The following TEX13C variants were observed in gnomAD, a reference collection of about 807,000 sequenced individuals.
TEX13C encodes the protein testis-expressed protein 13C.
For synonymous variants in TEX13C, 219 were observed against 116.6 expected (o/e 1.88, Z -5.65); for missense variants, 480 against 298.7 (o/e 1.61, Z -4.47).
Position 125,320,445 on chromosome X carries a change from C to T in TEX13C, c.326C>T (p.Ser109Phe), listed in dbSNP as rs1481752992. 1.2e-5 allele frequency: 6 copies of T among 514,907 alleles called. No homozygotes were observed. The South Asian group carries it at 1.5e-4, about 13-fold the overall frequency. 42.4% of individuals were successfully genotyped at this position (514,907 alleles called of 1,213,427 possible). ...CAGGCGACCTCCTGGGCTCTAACTT[C>T]CCAGCTGCAGCAGCTGCGCCTGGAG... The change falls in exon 1 of 1, where the codon TCC becomes TTC. Residue 109 changes from serine to phenylalanine, a missense_variant. By Grantham distance (155) the Ser-to-Phe change is radical. Coordinates refer to ENST00000632600, the Ensembl canonical transcript of TEX13C.
exon 1 of TEX13C, chrX:125,320,646 G>A: frequency 1.9e-6 from 1 of 515,765 alleles, no homozygotes; most frequent in South Asian, 2.5e-5. Flanking sequence ...CCTGTGGCCG[G>A]GACTTTAAAT....
exon 1 of TEX13C, chrX:125,321,921 C>A (rs750628722): frequency 2.3e-5 from 12 of 510,902 alleles, no homozygotes; most frequent in Non-Finnish European, 2.8e-5. Flanking sequence ...GAGATGGTCC[C>A]CCTGGGGGAC....
chrX:125,321,380 A>C (rs751619238), exon 1 of TEX13C: 1,332 of 494,861 alleles, frequency 2.7e-3, no homozygotes, highest in Non-Finnish European at 2.9e-3. Context: ...CAGCCACAGC[A>C]TGAAGAAAGA....
exon 1 of TEX13C, chrX:125,323,863 G>C (rs2018870086): frequency 8.9e-6 from 1 of 111,767 alleles, no homozygotes; most frequent in Non-Finnish European, 1.9e-5. Flanking sequence ...CTGCAGTCAA[G>C]AAGAGTGAAA....
chrX:125,322,877 G>T (rs1438701042), exon 1 of TEX13C: 2 of 513,599 alleles, frequency 3.9e-6, no homozygotes, highest in African/African-American at 4.6e-5. Context: ...GAGCCATGGT[G>T]TGAAAAATAG....
chrX:125,321,661 G>T, exon 1 of TEX13C: 1 of 508,090 alleles, frequency 2.0e-6, no homozygotes, highest in Non-Finnish European at 3.5e-6. Context: ...TGCCCAAGGA[G>T]CTGGTCCCCC....
chrX:125,320,528 A>T, exon 1 of TEX13C: 1 of 515,839 alleles, frequency 1.9e-6, no homozygotes, highest in Non-Finnish European at 3.5e-6. Context: ...GCAGGTGCTG[A>T]ATGAGCGTGA....
chrX:125,320,569 G>A (rs993910838), exon 1 of TEX13C: 12 of 514,862 alleles, frequency 2.3e-5, no homozygotes, highest in African/African-American at 2.3e-4. Flanking sequence ...TAGAAGTTGA[G>A]AGATCCATGC....
chrX:125,322,309 G>T (rs2018853786), exon 1 of TEX13C: 2 of 458,933 alleles, frequency 4.4e-6, no homozygotes, highest in East Asian at 3.9e-5. Flanking sequence ...TGTTTAGCAG[G>T]AGACACAGCC....
exon 1 of TEX13C, chrX:125,323,770 T>G (rs767525087): frequency 6.3e-5 from 7 of 111,960 alleles, no homozygotes; most frequent in Non-Finnish European, 1.3e-4. Context: ...AAGCTGAACC[T>G]GTGACATTAG....
At chrX:125,324,182 G>T (rs1364649633) in exon 1 of TEX13C, 1 of 111,374 alleles carries the variant, frequency 9.0e-6, no homozygotes, top group East Asian at 2.8e-4. Flanking sequence ...AGCTAGACTT[G>T]TATGTTATTA....
chrX:125,319,972 A>C (rs1010383020), upstream of TEX13C: 4 of 428,685 alleles, frequency 9.3e-6, no homozygotes, highest in Non-Finnish European at 1.6e-5. Flanking sequence ...GAGGCCAAGG[A>C]GGAGGCCAGG....
chrX:125,320,053 C>A, upstream of TEX13C: 3 of 454,180 alleles, frequency 6.6e-6, no homozygotes, highest in Non-Finnish European at 1.2e-5. Flanking sequence ...GCAACCTGTA[C>A]CGGAAGCGGC....
upstream of TEX13C, chrX:125,320,055 G>A (rs980744635): frequency 4.9e-5 from 22 of 453,350 alleles, no homozygotes; most frequent in African/African-American, 5.1e-4. Flanking sequence ...AACCTGTACC[G>A]GAAGCGGCGG....
At chrX:125,320,290 G>A (rs1158573695) in exon 1 of TEX13C, 2 of 516,005 alleles carry the variant, frequency 3.9e-6, no homozygotes, top group Non-Finnish European at 3.5e-6. Flanking sequence ...TGGCCGACCC[G>A]CGGGTGCCCC....
At chrX:125,320,406 A>C in exon 1 of TEX13C, 2 of 515,950 alleles carry the variant, frequency 3.9e-6, no homozygotes, top group Non-Finnish European at 7.0e-6. Flanking sequence ...CTGCAAGGGC[A>C]TGTGGAGGAG....
At chrX:125,324,965 A>G (rs953757093) in exon 1 of TEX13C, 5 of 111,874 alleles carry the variant, frequency 4.5e-5, no homozygotes, top group African/African-American at 1.6e-4. Flanking sequence ...GACTGGGGCA[A>G]GCACTTTTGG....
At chrX:125,320,421 A>C (rs1371378503) in exon 1 of TEX13C, 1 of 515,922 alleles carries the variant, frequency 1.9e-6, no homozygotes. Flanking sequence ...GAGGAGTGCC[A>C]GGCGACCTCC....
exon 1 of TEX13C, chrX:125,325,141 C>T (rs185076976): frequency 9.0e-6 from 1 of 111,264 alleles, no homozygotes; most frequent in Non-Finnish European, 1.9e-5. Flanking sequence ...CAATGAGATC[C>T]CACCCAGCTC....
Sources: allele counts gnomAD v4.1 joint callset, GRCh38; gene constraint gnomAD v4.1.1; transcripts MANE v1.5; gene names NCBI Gene and HGNC (gene_info 2026-07-23, HGNC 2026-07-21).